The following EIF2D variants were observed in gnomAD, a reference collection of about 807,000 sequenced individuals.
EIF2D encodes the protein hepatocellular carcinoma-associated antigen 56.
Under a neutral mutation model 77.4 loss-of-function variants are expected in EIF2D, and 56 were observed. The observed-to-expected ratio is 0.72, with a 90% CI of 0.58 to 0.90. EIF2D has a LOEUF of 0.90. Among genes scored for constraint, EIF2D ranks in the 40% least tolerant of loss-of-function variants. The pLI, the probability that EIF2D is intolerant of heterozygous loss-of-function variation, is 0.00. For missense variants in EIF2D, 574 were observed against 706.5 expected (o/e 0.81, Z 2.13); for synonymous variants, 230 against 271.0 (o/e 0.85, Z 1.49).
At position 206,584,479 on chromosome 1, in the gene EIF2D, C is replaced by T. The variant is rs782647521; in HGVS notation, c.139-3317G>A. On this transcript the variant is annotated intron_variant and NMD_transcript_variant, in intron 2 of 5. Transcript: ENST00000472709. The surrounding 1 kb of genome is among the most constrained non-coding windows in gnomAD (Gnocchi z 4.9). Reference sequence around the variant, plus strand: ...CTGCTGGGATCCGGCCCCAGTCCATCTATGATGCCATCAAGGAGGTGAACC... The same window carrying T: ...CTGCTGGGATCCGGCCCCAGTCCATTTATGATGCCATCAAGGAGGTGAACC... The T allele has an allele frequency of 2.5e-6, 4 of 1,614,082 alleles. No individual in the cohort carries two copies. The highest frequency in any genetic ancestry group is 3.4e-6 in the Non-Finnish European group (4 of 1,180,042).
rs1277521767 is a variant in EIF2D, at chr1:206,612,268, G to A, written c.56+19C>T. On this transcript the variant is annotated intron_variant, in intron 1 of 14. Transcript: ENST00000271764. The stretch of plus-strand genomic sequence containing the variant: ...TGTCTGGTTGTTCCGTGGCAGAGCA[G>A]GCCCCTTTCCTCCCTCACCTGTCCG... The A allele has an allele frequency of 3.7e-6, 6 of 1,614,244 alleles. No individual in the cohort carries two copies. Among genetic ancestry groups the A allele is most frequent in the Non-Finnish European group, 5.1e-6 (6 of 1,180,028 alleles).
In EIF2D at chr1:206,609,452, C is replaced by A. The variant is rs567075839; in HGVS notation, c.255G>T (p.Thr85=). ...LEKNLYPTVY[T]LWSYPDLLPT... is the part of the protein sequence containing the mutation. ...GCAGAAGATCAGGATAGGACCACAG[C>A]GTGTACACTGTACAAAAAGAGATCC... The change falls in exon 3 of 15, where the codon ACG becomes ACT. Residue 85 remains threonine, a synonymous_variant. Coordinates refer to ENST00000271764, the MANE Select transcript of EIF2D (RefSeq NM_006893.3). 4 of 1,613,348 alleles carry A rather than the reference C, an allele frequency of 2.5e-6. No individual in the cohort carries two copies. Among genetic ancestry groups the A allele is most frequent in the Non-Finnish European group, 3.4e-6 (4 of 1,179,740 alleles).
downstream of EIF2D, chr1:206,587,560 T>C (rs575592447): frequency 3.9e-4 from 62 of 159,532 alleles, no homozygotes; most frequent in Non-Finnish European, 8.3e-4. Flanking sequence ...ATGCTCAGGG[T>C]AAGGAGCACC....
In EIF2D at chr1:206,593,771, T is replaced by TC; in HGVS notation, c.1531dup (p.Glu511GlyfsTer21). ...TGAGTATGGGTCCAGACCATAGGCCTCCAAGTTCCGGACCACGGTCACCTG... is the reference window on the plus strand; with the variant it reads ...TGAGTATGGGTCCAGACCATAGGCCTCCCAAGTTCCGGACCACGGTCACCTG... On this transcript the variant is annotated frameshift_variant, in exon 14 of 15. Transcript: ENST00000271764. LOFTEE classifies it high-confidence loss of function. The TC allele has an allele frequency of 6.2e-7, 1 of 1,601,872 alleles. No homozygotes were observed. The highest frequency in any genetic ancestry group is 1.8e-4 in the Middle Eastern group (1 of 5,622).
At chr1:206,586,066 T>C (rs1470672947) in intron 2 of EIF2D, 2 of 152,280 alleles carry the variant, frequency 1.3e-5, no homozygotes, top group African/African-American at 2.4e-5. Flanking sequence ...AGACCTGGGC[T>C]CTAGTTCCAG....
At chr1:206,608,099 G>C in intron 4 of EIF2D, 137 bp downstream of exon 4, 1 of 640,204 alleles carries the variant, frequency 1.6e-6, no homozygotes, top group Admixed American at 3.4e-5. Flanking sequence ...CCATTCTCCT[G>C]CTGGCCCACT....
At chr1:206,583,406 G>A (rs782229900) in intron 2 of EIF2D, 1 of 1,497,898 alleles carries the variant, frequency 6.7e-7, no homozygotes, top group Non-Finnish European at 9.3e-7. Flanking sequence ...CCTCAACCTG[G>A]CCCCTGCTCC....
At chr1:206,611,923 C>A (rs1463794390) in intron 1 of EIF2D, among the ~76,000 whole-genome samples, 2 of 152,178 alleles carry the variant, frequency 1.3e-5, no homozygotes, top group Non-Finnish European at 1.5e-5. Context: ...TTCTCTTATA[C>A]TTTTAATTCT....
rs187441413 is a variant in EIF2D at position 206,582,515 on chromosome 1, T to C, written c.139-1353A>G. Among the ~76,000 whole-genome samples, 51 of 152,338 alleles carry C rather than the reference T, an allele frequency of 3.3e-4. 2 individuals carry two copies. The highest frequency in any genetic ancestry group is 3.2e-3 in the Admixed American group (49 of 15,308). ...ACAGACTTCTGGTTTGTGAGAATCA[T>C]ATGAGATAATGTATGCCAAGTACTT... On this transcript the variant is annotated intron_variant and NMD_transcript_variant, in intron 2 of 5. Coordinates refer to the EIF2D transcript ENST00000472709.
chr1:206,587,064 C>T (rs939076151), downstream of EIF2D: 7 of 1,502,046 alleles, frequency 4.7e-6, no homozygotes, highest in South Asian at 1.2e-5. Flanking sequence ...TTTCTCAGGA[C>T]ATCTCTGGCA....
In EIF2D at chr1:206,609,453, G is replaced by A. The variant is rs200255569; in HGVS notation, c.254C>T (p.Thr85Met). ...CAGAAGATCAGGATAGGACCACAGC[G>A]TGTACACTGTACAAAAAGAGATCCA... ...LEKNLYPTVY[T>M]LWSYPDLLPT... Residue 85 changes from threonine to methionine, a missense_variant, in exon 3 of 15, where the codon ACG becomes ATG. By Grantham distance (81) the Thr-to-Met change is moderately conservative. Coordinates refer to ENST00000271764, the MANE Select transcript of EIF2D (RefSeq NM_006893.3). 4.6e-5 allele frequency: 75 copies of A among 1,613,254 alleles called. No homozygotes were observed. The highest frequency in any genetic ancestry group is 3.6e-4 in the South Asian group (33 of 90,840).
intron 2 of EIF2D, among the ~76,000 whole-genome samples, chr1:206,582,620 G>C (rs1553406616): frequency 6.6e-6 from 1 of 152,186 alleles, no homozygotes; most frequent in African/African-American, 2.4e-5. Flanking sequence ...GGTAGAGGGG[G>C]CTACAGCCCT....
chr1:206,605,397 C>T lies in EIF2D; in HGVS notation c.530+3G>A, dbSNP rs1302857923. 1 of 1,612,644 alleles carries T rather than the reference C, an allele frequency of 6.2e-7. No homozygotes were observed. Among genetic ancestry groups the T allele is most frequent in the African/African-American group, 1.3e-5 (1 of 74,896 alleles). On this transcript the variant is annotated splice_donor_region_variant and intron_variant, in intron 5 of 14. Transcript: ENST00000271764. Reference sequence around the variant, plus strand: ...TGTAAAACAGAAGAAACTCTGTACCCACCACAAGTGGTCCTGGTAAGTGTG... The same window carrying T: ...TGTAAAACAGAAGAAACTCTGTACCTACCACAAGTGGTCCTGGTAAGTGTG...
intron 14 of EIF2D, 125 bp downstream of exon 14, chr1:206,593,494 A>AGC: frequency 2.3e-6 from 1 of 435,444 alleles, no homozygotes; most frequent in Non-Finnish European, 3.5e-6. Context: ...AGAGCGAGAG[A>AGC]GAGAGAGAGA....
At position 206,612,239 on chromosome 1, in the gene EIF2D, G is replaced by C. The variant is rs1670533602; in HGVS notation, c.56+48C>G. 4 of 1,612,470 alleles carry C rather than the reference G, an allele frequency of 2.5e-6. No homozygotes were observed. The South Asian group carries it at 3.3e-5, about 13-fold the overall frequency. The stretch of plus-strand genomic sequence containing the variant: ...AGGGCTATGGGCCAGCGGGGCCCAA[G>C]AGGTGTCTGGTTGTTCCGTGGCAGA... On this transcript the variant is annotated intron_variant, in intron 1 of 14. Transcript: ENST00000271764.
intron 4 of EIF2D, among the ~76,000 whole-genome samples, chr1:206,574,154 G>C (rs1553404715): frequency 6.6e-6 from 1 of 152,240 alleles, no homozygotes; most frequent in Non-Finnish European, 1.5e-5. Flanking sequence ...GAGCTGTGCA[G>C]AGACTGAGAT....
rs928613701 is a variant in EIF2D at position 206,592,067 on chromosome 1, C to A, written c.1685-222G>T. On this transcript the variant is annotated intron_variant, in intron 14 of 14. Transcript: ENST00000271764. The surrounding 1 kb of genome is among the most constrained non-coding windows in gnomAD (Gnocchi z 4.7). ...ATTTCAGGCATTTATAATTTTTTCA[C>A]GAGAGAGAATGTGTCTGTTCAGTCT... Among the ~76,000 whole-genome samples, 1 of 152,180 alleles carries A rather than the reference C, an allele frequency of 6.6e-6. No homozygotes were observed. The highest frequency in any genetic ancestry group is 1.5e-5 in the Non-Finnish European group (1 of 68,020).
chr1:206,609,104 T>C (rs1445531182), intron 3 of EIF2D, among the ~76,000 whole-genome samples: 2 of 152,122 alleles, frequency 1.3e-5, no homozygotes, highest in Non-Finnish European at 2.9e-5. Flanking sequence ...ATCTGTCTTG[T>C]CCTAGTTTCC....
Position 206,611,475 on chromosome 1 carries a change from A to G in EIF2D, c.57-101T>C, listed in dbSNP as rs1670495885. ...GCTCACTATAAAATCACAAGGGCCAAAGAAAGATTGCCTGGTTTATGATGT... is the reference window on the plus strand; with the variant it reads ...GCTCACTATAAAATCACAAGGGCCAGAGAAAGATTGCCTGGTTTATGATGT... On this transcript the variant is annotated intron_variant, in intron 1 of 14. Coordinates refer to ENST00000271764, the MANE Select transcript of EIF2D (RefSeq NM_006893.3). 6.5e-6 allele frequency: 6 copies of G among 924,658 alleles called. No homozygotes were observed. In the South Asian group the frequency reaches 1.1e-4, roughly 16 times the overall value. The allele number at this position is 924,658 out of a possible 1,614,324, so 57.3% of individuals were successfully genotyped here.
Sources: gnomAD v4.1 joint callset for allele counts (sites outside exome capture counted in the v4.1 genomes callset) on GRCh38, gnomAD v4.1.1 for gene constraint, Gnocchi (gnomAD v3.1) non-coding constraint, MANE v1.5 for transcripts, NCBI Gene and HGNC (gene_info 2026-07-23, HGNC 2026-07-21) for gene names.